DYNC1I2: variants seen among roughly 807,000 people sequenced by gnomAD.
The protein encoded by DYNC1I2 is dynein cytoplasmic 1 intermediate chain 2, also known as cytoplasmic dynein 1 intermediate chain 2.
In DYNC1I2, 53 loss-of-function variants were observed where a neutral mutation model predicts 88.6. The ratio of observed to expected loss-of-function variants is 0.60; its 90% CI spans 0.48 to 0.75. The LOEUF (loss-of-function observed/expected upper bound fraction) is 0.75. Ranked by LOEUF, DYNC1I2 falls within the 30% of genes least tolerant of loss-of-function variation. DYNC1I2 has a pLI of 0.00. For missense variants in DYNC1I2, 458 were observed against 766.6 expected, an observed-to-expected ratio of 0.60 and a Z score of 4.75; for synonymous variants, 198 against 254.6, an observed-to-expected ratio of 0.78 and a Z score of 2.12.
At chr2:171,735,134 A>C (rs1688916731) in intron 15 of DYNC1I2, among the ~76,000 whole-genome samples, 1 of 152,210 alleles carries the variant, frequency 6.6e-6, no homozygotes, top group South Asian at 2.1e-4. Flanking sequence ...CCCTGATAGC[A>C]AAACAAGATT....
In DYNC1I2 at chr2:171,747,849, C is replaced by G. The variant is rs902755657; in HGVS notation, c.1877C>G (p.Ala626Gly). ...RTLAEINANR[A>G]DAEEEAATRI... ...CTTGCAGAAATTAATGCAAACCGAG[C>G]TGATGCAGAGGAGGAAGCAGCTACC... The change falls in exon 18 of 18, where the codon GCT (alanine) becomes GGT (glycine). Residue 626 changes from alanine to glycine, a missense_variant. Coordinates refer to ENST00000397119, the MANE Select transcript of DYNC1I2 (RefSeq NM_001378.3). The G allele has an allele frequency of 6.2e-7, 1 of 1,611,152 alleles. No homozygotes were observed. The highest frequency in any genetic ancestry group is 8.5e-7 in the Non-Finnish European group (1 of 1,179,380).
chr2:171,739,153 G>C (rs972075254), intron 15 of DYNC1I2, among the ~76,000 whole-genome samples: 3 of 151,148 alleles, frequency 2.0e-5, no homozygotes, highest in Non-Finnish European at 4.4e-5. Context: ...GACTTCATTT[G>C]GTGGTGTTAT....
chr2:171,725,740 C>T, intron 8 of DYNC1I2, 27 bp downstream of exon 8: 1 of 1,445,726 alleles, frequency 6.9e-7, no homozygotes, highest in East Asian at 2.4e-5. Context: ...AACTTTAAAA[C>T]ATTTTGTTGA....
rs368052429 is a variant in DYNC1I2, at chr2:171,694,041, T to C, written c.226+1147T>C. ...AACTCACTTGTTCATATTTCTTTCTTCTTTTTTTTTTTTTGAGGCTGAGTC... is the reference window on the plus strand; with the variant it reads ...AACTCACTTGTTCATATTTCTTTCTCCTTTTTTTTTTTTTGAGGCTGAGTC... On this transcript the variant is annotated intron_variant, in intron 3 of 17. Coordinates refer to ENST00000397119, the MANE Select transcript of DYNC1I2 (RefSeq NM_001378.3). Among the ~76,000 whole-genome samples, 33 of 151,782 alleles carry C rather than the reference T, an allele frequency of 2.2e-4. 2 individuals carry two copies. Among genetic ancestry groups the C allele is most frequent in the Admixed American group, 1.0e-3 (16 of 15,256 alleles).
chr2:171,747,444 CA>C (rs1428443170), intron 17 of DYNC1I2, among the ~76,000 whole-genome samples: 7 of 151,646 alleles, frequency 4.6e-5, no homozygotes, highest in African/African-American at 1.7e-4. Context: ...TGCAAGAATA[CA>C]GTAAAAAAAA....
intron 15 of DYNC1I2, among the ~76,000 whole-genome samples, chr2:171,734,440 A>G (rs1288332035): frequency 5.3e-5 from 8 of 152,174 alleles, no homozygotes; most frequent in Non-Finnish European, 1.0e-4. Context: ...CTGAATAAGA[A>G]TGACAAGTGG....
intron 15 of DYNC1I2, among the ~76,000 whole-genome samples, chr2:171,739,696 C>CTCTCTCTCTCTCTCTTTTTTTTTTTTT (rs1689267774): frequency 1.5e-5 from 1 of 65,038 alleles, no homozygotes; most frequent in African/African-American, 5.7e-5. Flanking sequence ...TGACATATCT[C>CTCTCTCTCTCTCTCTTTTTTTTTTTTT]TTTTTTTTTT....
chr2:171,737,670 C>T (rs1005054598), intron 15 of DYNC1I2, among the ~76,000 whole-genome samples: 23 of 152,164 alleles, frequency 1.5e-4, no homozygotes, highest in Non-Finnish European at 2.5e-4. Context: ...CTGCCTGCCT[C>T]GGGCTCCCAA....
intron 6 of DYNC1I2, among the ~76,000 whole-genome samples, chr2:171,713,370 T>C (rs1253716976): frequency 6.6e-6 from 1 of 151,892 alleles, no homozygotes; most frequent in Non-Finnish European, 1.5e-5. Context: ...TTAATATAAT[T>C]GTCATTGAGC....
At chr2:171,741,750 A>C (rs1689440373) in intron 15 of DYNC1I2, among the ~76,000 whole-genome samples, 1 of 152,162 alleles carries the variant, frequency 6.6e-6, no homozygotes, top group Admixed American at 6.5e-5. Flanking sequence ...TGCTGAGTTC[A>C]AGGTCACAAA....
At chr2:171,727,280 A>C (rs1688316753) in intron 11 of DYNC1I2, among the ~76,000 whole-genome samples, 1 of 152,158 alleles carries the variant, frequency 6.6e-6, no homozygotes, top group African/African-American at 2.4e-5. Flanking sequence ...TGGCCCACTG[A>C]ATTACTTATA....
At chr2:171,690,375 T>G (rs1402613386) in intron 2 of DYNC1I2, 112 bp downstream of exon 2, 3 of 721,288 alleles carry the variant, frequency 4.2e-6, no homozygotes, top group Admixed American at 3.2e-5. Flanking sequence ...TTAAAAGTAA[T>G]GGCAAAAATT....
intron 15 of DYNC1I2, 107 bp downstream of exon 15, chr2:171,729,960 A>G (rs764973889): frequency 2.0e-5 from 27 of 1,333,932 alleles, no homozygotes; most frequent in African/African-American, 2.9e-5. Flanking sequence ...ATTGTTTGCT[A>G]ATAGATGAAG....
chr2:171,747,238 T>C (rs1689860685), intron 17 of DYNC1I2, among the ~76,000 whole-genome samples: 1 of 146,820 alleles, frequency 6.8e-6, no homozygotes, highest in Admixed American at 6.8e-5. Context: ...TATATGTTAT[T>C]GGGCTGCCTC....
intron 15 of DYNC1I2, among the ~76,000 whole-genome samples, chr2:171,740,502 T>G (rs1017286337): frequency 1.3e-5 from 2 of 152,210 alleles, no homozygotes; most frequent in African/African-American, 4.8e-5. Flanking sequence ...TTTTCCTACT[T>G]GCGATTTGGT....
At chr2:171,718,556 C>A (rs963032196) in intron 7 of DYNC1I2, among the ~76,000 whole-genome samples, 8 of 152,078 alleles carry the variant, frequency 5.3e-5, no homozygotes, top group African/African-American at 1.9e-4. Context: ...GCCTCAGCCT[C>A]CCGAGTAGCT....
intron 5 of DYNC1I2, among the ~76,000 whole-genome samples, chr2:171,710,239 T>G (rs1424966542): frequency 1.3e-5 from 2 of 151,494 alleles, no homozygotes; most frequent in African/African-American, 2.4e-5. Flanking sequence ...GTGATGGTGA[T>G]ATTGGCAGTG....
chr2:171,717,588 A>C (rs1296948475), intron 7 of DYNC1I2, among the ~76,000 whole-genome samples: 1 of 152,228 alleles, frequency 6.6e-6, no homozygotes. Flanking sequence ...TTTTAAAAAG[A>C]AAGAAAGTAT....
chr2:171,696,685 A>G (rs944430434), intron 3 of DYNC1I2, among the ~76,000 whole-genome samples: 5 of 152,140 alleles, frequency 3.3e-5, no homozygotes, highest in African/African-American at 7.2e-5. Flanking sequence ...TTGTTAGTCT[A>G]TCTTTTCCCC....
Sources: allele counts gnomAD v4.1 joint callset (sites outside exome capture counted in the v4.1 genomes callset), GRCh38; gene constraint gnomAD v4.1.1; transcripts MANE v1.5; gene names NCBI Gene and HGNC (gene_info 2026-07-23, HGNC 2026-07-21).